The following YIF1B variants were observed in gnomAD, a reference collection of about 807,000 sequenced individuals.
YIF1B encodes the protein Yip1 interacting factor homolog B, membrane trafficking protein.
YIF1B carries 24 observed loss-of-function variants against 34.6 expected under a neutral mutation model. The ratio of observed to expected loss-of-function variants is 0.69; its 90% CI spans 0.50 to 0.98. The LOEUF (loss-of-function observed/expected upper bound fraction) is 0.98, where lower values mean the gene tolerates loss of function less well. Ranked by LOEUF, YIF1B falls within the 50% of genes least tolerant of loss-of-function variation. The pLI, the probability that YIF1B is intolerant of heterozygous loss-of-function variation, is 0.00. For synonymous variants in YIF1B, 186 were observed against 184.8 expected, an observed-to-expected ratio of 1.01 and a Z score of -0.05; for missense variants, 368 against 429.4, an observed-to-expected ratio of 0.86 and a Z score of 1.26.
At chr19:38,320,224 G>C (rs573988236), upstream of YIF1B, 25 of 1,604,864 alleles carry the variant, frequency 1.6e-5, no homozygotes, top group Non-Finnish European at 2.1e-5. Flanking sequence ...CCCCGCCTGG[G>C]ACTTCGCCTC....
chr19:38,311,882 A>G (rs1029352849), intron 1 of YIF1B, among the ~76,000 whole-genome samples: 1 of 152,180 alleles, frequency 6.6e-6, no homozygotes, highest in African/African-American at 2.4e-5. Flanking sequence ...GTGGATCACC[A>G]GGTCAGAAAT....
At chr19:38,319,362 G>A (rs1243009102), upstream of YIF1B, among the ~76,000 whole-genome samples, 1 of 152,154 alleles carries the variant, frequency 6.6e-6, no homozygotes, top group Non-Finnish European at 1.5e-5. Flanking sequence ...CAGAAAGTGG[G>A]CATTGAACAA....
Position 38,307,581 on chromosome 19 carries a change from G to C in YIF1B, c.695+16C>G. 1 of 1,613,730 alleles carries C rather than the reference G, an allele frequency of 6.2e-7. No homozygotes were observed. Among genetic ancestry groups the C allele is most frequent in the Non-Finnish European group, 8.5e-7 (1 of 1,180,014 alleles). On this transcript the variant is annotated intron_variant, in intron 6 of 7. Transcript: ENST00000339413. ...GCCCAAGGGCTGGGGCTGGCGTGAA[G>C]GGCGGGGGTACTCACCCGACATATT...
At chr19:38,309,127 C>T (rs772350654) in intron 3 of YIF1B, 70 bp from the exon 4 acceptor site, 22 of 1,565,710 alleles carry the variant, frequency 1.4e-5, no homozygotes, top group Non-Finnish European at 1.8e-5. Context: ...GGCCCTCCTC[C>T]CTCGAGGCGA....
chr19:38,319,920 A>T, upstream of YIF1B: 1 of 1,388,188 alleles, frequency 7.2e-7, no homozygotes, highest in East Asian at 3.0e-5. Context: ...CAGCGGGGCC[A>T]CCCAGGGCTC....
upstream of YIF1B, chr19:38,320,171 G>C (rs1423979517): frequency 6.3e-7 from 1 of 1,598,982 alleles, no homozygotes; most frequent in South Asian, 1.1e-5. Flanking sequence ...CGGCTGGGGC[G>C]GGTCGTGCTT....
chr19:38,319,813 C>A, upstream of YIF1B: 1 of 881,642 alleles, frequency 1.1e-6, no homozygotes, highest in East Asian at 3.4e-5. Context: ...CCCCCACCTC[C>A]CCTTTTTCCT....
At chr19:38,307,883 C>G in intron 5 of YIF1B, 131 bp from the exon 6 acceptor site, 1 of 1,233,080 alleles carries the variant, frequency 8.1e-7, no homozygotes, top group Non-Finnish European at 1.1e-6. Context: ...GCGCGCTATC[C>G]TATTCCCACG....
At position 38,309,747 on chromosome 19, in the gene YIF1B, G is replaced by T. The variant is rs942914434; in HGVS notation, c.59-104C>A. The T allele has an allele frequency of 2.1e-5, 31 of 1,474,316 alleles. No homozygotes were observed. In the Admixed American group the frequency reaches 4.4e-4, roughly 21 times the overall value. The allele number at this position is 1,474,316 out of a possible 1,614,324, so 91.3% of individuals were successfully genotyped here. The stretch of plus-strand genomic sequence containing the variant: ...GCTCTGCCTCCTGCTGCAGAGGAGG[G>T]TGGTGTCACCATTAGAGACACTGGC... On this transcript the variant is annotated intron_variant, in intron 1 of 7. Transcript: ENST00000339413.
At chr19:38,312,947 C>G (rs1014284521) in intron 1 of YIF1B, among the ~76,000 whole-genome samples, 4 of 145,838 alleles carry the variant, frequency 2.7e-5, no homozygotes, top group Non-Finnish European at 6.1e-5. Flanking sequence ...TTTCTTTCCC[C>G]TACTTCTTCT....
upstream of YIF1B, among the ~76,000 whole-genome samples, chr19:38,316,264 G>A (rs984469293): frequency 2.0e-5 from 3 of 152,108 alleles, no homozygotes; most frequent in Non-Finnish European, 4.4e-5. Context: ...CCAGCACTTT[G>A]GGAGGCCGAG....
rs181517219 is a variant in YIF1B at position 38,306,251 on chromosome 19, C to T, written c.790-744G>A. On this transcript the variant is annotated intron_variant, in intron 7 of 7. Coordinates refer to ENST00000339413, the MANE Select transcript of YIF1B (RefSeq NM_001039672.3). ...AAAAAAGTCAGGGTCTCACCCTGTCCGCCAGGCTTGACTGCAGTGGCGTGA... is the reference window on the plus strand; with the variant it reads ...AAAAAAGTCAGGGTCTCACCCTGTCTGCCAGGCTTGACTGCAGTGGCGTGA... Among the ~76,000 whole-genome samples, 336 of 150,854 alleles carry T rather than the reference C, an allele frequency of 2.2e-3. 1 individual carries two copies. Among genetic ancestry groups the T allele is most frequent in the Non-Finnish European group, 3.7e-3 (253 of 67,710 alleles).
At position 38,304,713 on chromosome 19, in the gene YIF1B, AG is replaced by A; in HGVS notation, c.*638del. On this transcript the variant is annotated 3_prime_UTR_variant, in exon 8 of 8. Transcript: ENST00000339413. ...TAAGGGGCTCTCGCCAGCGTCCCCA[AG>A]CACGTGCCCTGCACCCCAGAGAGGC... 6.2e-7 allele frequency: 1 copy of A among 1,613,558 alleles called. No homozygotes were observed. Among genetic ancestry groups the A allele is most frequent in the East Asian group, 2.2e-5 (1 of 44,844 alleles).
At chr19:38,313,915 A>C (rs774931973) in intron 1 of YIF1B, among the ~76,000 whole-genome samples, 3 of 152,272 alleles carry the variant, frequency 2.0e-5, no homozygotes, top group Non-Finnish European at 4.4e-5. Flanking sequence ...CCTTCTCATA[A>C]CATGTGGTGC....
Position 38,304,899 on chromosome 19 carries a change from C to A in YIF1B, c.*453G>T. On this transcript the variant is annotated 3_prime_UTR_variant, in exon 8 of 8. Coordinates refer to ENST00000339413, the MANE Select transcript of YIF1B (RefSeq NM_001039672.3). ...GAGCATCCCGGGCAAGGCCAAGAAG[C>A]CCAAAGTGAAGAAGAAGGAGAAGGG... 6.4e-7 allele frequency: 1 copy of A among 1,565,566 alleles called. No homozygotes were observed. The highest frequency in any genetic ancestry group is 8.7e-7 in the Non-Finnish European group (1 of 1,147,102).
Position 38,304,296 on chromosome 19 carries a change from G to A in YIF1B, c.*1056C>T, listed in dbSNP as rs780176597. The A allele has an allele frequency of 6.2e-7, 1 of 1,613,746 alleles. No homozygotes were observed. The highest frequency in any genetic ancestry group is 8.5e-7 in the Non-Finnish European group (1 of 1,180,028). ...GACCTGGGAGCAGGTGAGCTCCTGG[G>A]GAGTGTGGACTGGAGGTGCAGGGGG... On this transcript the variant is annotated 3_prime_UTR_variant, in exon 8 of 8. Transcript: ENST00000339413.
At chr19:38,307,388 C>T (rs79603054) in intron 7 of YIF1B, 40 bp downstream of exon 7, 83,861 of 1,605,424 alleles carry the variant, frequency 0.052, 3,131 homozygotes, top group East Asian at 0.17. Flanking sequence ...GCCTCCGGGG[C>T]ACCTGTGCCT....
chr19:38,308,888 A>G, intron 4 of YIF1B, 39 bp from the exon 5 acceptor site: 7 of 1,613,754 alleles, frequency 4.3e-6, no homozygotes, highest in Non-Finnish European at 5.9e-6. Context: ...TCACCAGAGG[A>G]AGAACTGCCC....
chr19:38,315,899 C>G lies in YIF1B; in HGVS notation c.19G>C (p.Ala7Pro). 2 of 1,483,088 alleles carry G rather than the reference C, an allele frequency of 1.3e-6. No individual in the cohort carries two copies. The highest frequency in any genetic ancestry group is 1.3e-5 in the South Asian group (1 of 77,790). 91.9% of individuals were successfully genotyped at this position (1,483,088 alleles called of 1,614,324 possible). The change falls in exon 1 of 8, where the codon GCG becomes CCG. Residue 7 changes from alanine (A) to proline (P), a missense_variant. Physicochemically the swap from Ala to Pro is conservative, Grantham distance 27. Coordinates refer to ENST00000339413, the MANE Select transcript of YIF1B (RefSeq NM_001039672.3). Reference protein sequence around the residue: MHPAGLAAAAAGTPRLR... With the variant: MHPAGLPAAAAGTPRLR... ...CGGGGCGTCCCCGCAGCCGCCGCCGCCAAGCCTGCCGGGTGCATCCTTCGC... is the reference window on the plus strand; with the variant it reads ...CGGGGCGTCCCCGCAGCCGCCGCCGGCAAGCCTGCCGGGTGCATCCTTCGC...
Sources: allele counts gnomAD v4.1 joint callset (sites outside exome capture counted in the v4.1 genomes callset), GRCh38; gene constraint gnomAD v4.1.1; transcripts MANE v1.5; gene names NCBI Gene and HGNC (gene_info 2026-07-23, HGNC 2026-07-21).